ROBO2: variants seen among roughly 807,000 people sequenced by gnomAD.
ROBO2 encodes roundabout guidance receptor 2, also known as roundabout homolog 2.
In ROBO2, 53 loss-of-function variants were observed where a neutral mutation model predicts 160.8. The observed-to-expected ratio is 0.33, with a 90% CI of 0.26 to 0.41. The LOEUF (loss-of-function observed/expected upper bound fraction) is 0.41, where lower values mean the gene tolerates loss of function less well. Ranked by LOEUF, ROBO2 falls within the 10% of genes least tolerant of loss-of-function variation. ROBO2 has a pLI of 1.00. For missense variants in ROBO2, 1,577 were observed against 1,722.4 expected, an observed-to-expected ratio of 0.92 and a Z score of 1.49; for synonymous variants, 664 against 611.7, an observed-to-expected ratio of 1.09 and a Z score of -1.26.
chr3:77,335,355 C>T (rs952946767), intron 2 of ROBO2, among the ~76,000 whole-genome samples: 2 of 152,110 alleles, frequency 1.3e-5, no homozygotes, highest in Non-Finnish European at 2.9e-5. Context: ...TGCAGTGAAC[C>T]AATATCACAT....
chr3:76,153,611 G>A (rs2072289621), intron 2 of ROBO2, among the ~76,000 whole-genome samples: 1 of 152,092 alleles, frequency 6.6e-6, no homozygotes, highest in African/African-American at 2.4e-5. Flanking sequence ...GATGAGTAGG[G>A]CATGCTACAG....
At chr3:75,937,686 G>T in intron 2 of ROBO2, 1 of 798,560 alleles carries the variant, frequency 1.3e-6, no homozygotes, top group Non-Finnish European at 1.8e-6. Flanking sequence ...TTGGTTCGAC[G>T]TTTAAGCAAT....
intron 2 of ROBO2, among the ~76,000 whole-genome samples, chr3:76,256,111 C>T (rs1389050907): frequency 6.6e-6 from 1 of 151,720 alleles, no homozygotes; most frequent in Non-Finnish European, 1.5e-5. Flanking sequence ...TTAGCCTGGG[C>T]AACAAAGTGA....
chr3:76,510,730 T>TA (rs534333526), intron 2 of ROBO2, among the ~76,000 whole-genome samples: 240 of 151,494 alleles, frequency 1.6e-3, no homozygotes, highest in South Asian at 2.7e-3. Flanking sequence ...CTCAAAAAAA[T>TA]AAAAAATAAA....
intron 2 of ROBO2, among the ~76,000 whole-genome samples, chr3:77,150,907 G>GTGAA (rs1202644589): frequency 6.6e-6 from 1 of 152,110 alleles, no homozygotes. Flanking sequence ...ATTTGACCAT[G>GTGAA]TGAAAGTCAA....
At chr3:76,618,862 G>T (rs990068484) in intron 2 of ROBO2, among the ~76,000 whole-genome samples, 3 of 151,780 alleles carry the variant, frequency 2.0e-5, no homozygotes, top group African/African-American at 7.3e-5. Flanking sequence ...TATATTATTT[G>T]AATAGATTGA....
intron 2 of ROBO2, among the ~76,000 whole-genome samples, chr3:75,940,438 A>G (rs1947999956): frequency 6.6e-6 from 1 of 152,042 alleles, no homozygotes; most frequent in Non-Finnish European, 1.5e-5. Context: ...AATTTTTTGT[A>G]TCTGTGAAGA....
chr3:75,952,365 T>C (rs1948573832), intron 2 of ROBO2, among the ~76,000 whole-genome samples: 1 of 151,998 alleles, frequency 6.6e-6, no homozygotes, highest in Non-Finnish European at 1.5e-5. Context: ...AGAATGAAAC[T>C]ATATTTATTA....
In ROBO2 at chr3:76,715,175, A is replaced by G. The variant is rs1442693485; in HGVS notation, c.110-382839A>G. Among the ~76,000 whole-genome samples, 4 of 152,270 alleles carry G rather than the reference A, an allele frequency of 2.6e-5. No individual in the cohort carries two copies. In the East Asian group the frequency reaches 7.7e-4, roughly 29 times the overall value. On this transcript the variant is annotated intron_variant, in intron 2 of 26. Transcript: ENST00000487694. ...CGTAAATAATTAGAGACCCAAACCCACATTAATAGGTGTTCCCACAGGATC... is the reference window on the plus strand; with the variant it reads ...CGTAAATAATTAGAGACCCAAACCCGCATTAATAGGTGTTCCCACAGGATC...
intron 6 of ROBO2, among the ~76,000 whole-genome samples, chr3:77,525,424 T>A (rs1478907579): frequency 3.4e-4 from 50 of 146,790 alleles, no homozygotes; most frequent in African/African-American, 1.0e-3. Flanking sequence ...AAATATGCTT[T>A]AAAAAAAAAA....
chr3:77,126,713 T>TATATATATATATA (rs564861880), intron 2 of ROBO2, among the ~76,000 whole-genome samples: 1 of 138,746 alleles, frequency 7.2e-6, no homozygotes, highest in African/African-American at 3.3e-5. Flanking sequence ...TATATATATA[T>TATATATATATATA]TTTTTTTCCT....
chr3:76,665,970 TATATA>T (rs1364468624), intron 2 of ROBO2, among the ~76,000 whole-genome samples: 2 of 140,496 alleles, frequency 1.4e-5, no homozygotes, highest in East Asian at 3.9e-4. Context: ...ACATATAATA[TATATA>T]ATATATACAT....
chr3:76,394,882 A>C (rs996483797), intron 2 of ROBO2, among the ~76,000 whole-genome samples: 3 of 150,002 alleles, frequency 2.0e-5, no homozygotes, highest in Middle Eastern at 3.2e-3. Context: ...TAATGGGAGA[A>C]TTTAACACCC....
intron 2 of ROBO2, among the ~76,000 whole-genome samples, chr3:76,176,307 A>T (rs1292374155): frequency 6.6e-6 from 1 of 152,068 alleles, no homozygotes; most frequent in African/African-American, 2.4e-5. Flanking sequence ...AAAACCTCTG[A>T]GTATGGTATC....
intron 2 of ROBO2, among the ~76,000 whole-genome samples, chr3:77,112,581 G>C (rs1173374096): frequency 6.6e-6 from 1 of 151,948 alleles, no homozygotes; most frequent in East Asian, 1.9e-4. Flanking sequence ...TCCCAAGAAG[G>C]AAAAGCTAAA....
intron 2 of ROBO2, among the ~76,000 whole-genome samples, chr3:77,134,444 C>T (rs115100899): frequency 0.017 from 2,543 of 152,170 alleles, 29 homozygotes; most frequent in African/African-American, 0.028. Flanking sequence ...ATAAGAATAC[C>T]TTGCTTTCCA....
intron 2 of ROBO2, among the ~76,000 whole-genome samples, chr3:77,019,750 T>G (rs1331975484): frequency 1.3e-5 from 2 of 152,200 alleles, no homozygotes; most frequent in African/African-American, 4.8e-5. Flanking sequence ...TATTTGTAAC[T>G]AAGAAATTTG....
intron 2 of ROBO2, among the ~76,000 whole-genome samples, chr3:75,940,458 G>A (rs1948001164): frequency 6.6e-6 from 1 of 152,082 alleles, no homozygotes. Context: ...AAAAGCATCT[G>A]CTTGAGGACA....
At chr3:76,617,127 C>T (rs1296414021) in intron 2 of ROBO2, among the ~76,000 whole-genome samples, 2 of 152,012 alleles carry the variant, frequency 1.3e-5, no homozygotes, top group South Asian at 2.1e-4. Context: ...AACTAACTAG[C>T]GTGGTCCAAA....
Sources: allele counts gnomAD v4.1 joint callset (sites outside exome capture counted in the v4.1 genomes callset), GRCh38; gene constraint gnomAD v4.1.1; transcripts MANE v1.5; gene names NCBI Gene and HGNC (gene_info 2026-07-23, HGNC 2026-07-21).